CDH4: variants seen among roughly 807,000 people sequenced by gnomAD.
CDH4 encodes the protein cadherin-4.
Under a neutral mutation model 86.0 loss-of-function variants are expected in CDH4, and 33 were observed. The ratio of observed to expected loss-of-function variants is 0.38; its 90% confidence interval spans 0.29 to 0.51. The LOEUF is 0.51. CDH4 is among the 20% of genes least tolerant of loss of function. CDH4 has a pLI of 0.86. For synonymous variants in CDH4, 555 were observed against 549.4 expected (o/e 1.01, Z -0.14); for missense variants, 1,114 against 1,307.4 (o/e 0.85, Z 2.28).
intron 4 of CDH4, among the ~76,000 whole-genome samples, chr20:61,823,622 G>A (rs1466087284): frequency 6.6e-6 from 1 of 152,198 alleles, no homozygotes; most frequent in South Asian, 2.1e-4. Context: ...GTGGCAGGAT[G>A]AGGACTTGAA....
intron 2 of CDH4, among the ~76,000 whole-genome samples, chr20:61,695,595 C>T (rs1176447727): frequency 6.6e-6 from 1 of 152,166 alleles, no homozygotes; most frequent in Non-Finnish European, 1.5e-5. Flanking sequence ...TGAGGTTCCA[C>T]ATGGCGGTGC....
At chr20:61,295,807 CCACT>C (rs1452102085) in intron 2 of CDH4, among the ~76,000 whole-genome samples, 1 of 152,174 alleles carries the variant, frequency 6.6e-6, no homozygotes, top group Non-Finnish European at 1.5e-5. Context: ...CGGCCTGTGT[CCACT>C]CACTCACTCC....
chr20:61,773,705 A>C (rs909091963), intron 4 of CDH4, among the ~76,000 whole-genome samples: 2 of 152,330 alleles, frequency 1.3e-5, no homozygotes, highest in Non-Finnish European at 1.5e-5. Context: ...GCCATCAACG[A>C]GCAATTTCTT....
intron 2 of CDH4, among the ~76,000 whole-genome samples, chr20:61,552,338 T>C (rs2086138457): frequency 6.6e-6 from 1 of 152,220 alleles, no homozygotes; most frequent in Non-Finnish European, 1.5e-5. Context: ...AAAGAAGACA[T>C]ACGAATGTCC....
intron 2 of CDH4, chr20:61,499,382 A>T: frequency 1.7e-6 from 2 of 1,153,996 alleles, no homozygotes; most frequent in African/African-American, 1.6e-5. Flanking sequence ...CTGCCCTGTT[A>T]AAGGTTATGC....
chr20:61,817,248 G>T (rs1980764064), intron 4 of CDH4, among the ~76,000 whole-genome samples: 1 of 152,196 alleles, frequency 6.6e-6, no homozygotes, highest in Non-Finnish European at 1.5e-5. Flanking sequence ...GGACCCCAAG[G>T]CAGGGGCCCC....
chr20:61,741,781 A>C (rs1007606624), intron 2 of CDH4, among the ~76,000 whole-genome samples: 2 of 152,068 alleles, frequency 1.3e-5, no homozygotes, highest in South Asian at 4.2e-4. Context: ...GGCATGAGCC[A>C]CCACGCCCAG....
intron 2 of CDH4, among the ~76,000 whole-genome samples, chr20:61,352,595 T>G (rs2084719245): frequency 6.6e-6 from 1 of 152,194 alleles, no homozygotes; most frequent in Non-Finnish European, 1.5e-5. Flanking sequence ...AACAAAGCTT[T>G]GTATTTTGTT....
intron 3 of CDH4, among the ~76,000 whole-genome samples, chr20:61,770,149 C>G (rs75874981): frequency 6.6e-6 from 1 of 152,134 alleles, no homozygotes; most frequent in Non-Finnish European, 1.5e-5. Flanking sequence ...CCTAGAAAAG[C>G]CCCCGCCCCT....
intron 2 of CDH4, among the ~76,000 whole-genome samples, chr20:61,673,281 C>G (rs988230812): frequency 7.2e-5 from 11 of 152,302 alleles, no homozygotes; most frequent in South Asian, 2.1e-4. Flanking sequence ...GACTTCGGAG[C>G]CCCTGAATCT....
rs539253181 is a variant in CDH4 at position 61,677,938 on chromosome 20, T to C, written c.170-65625T>C. Among the ~76,000 whole-genome samples, 42 of 151,872 alleles carry C rather than the reference T, an allele frequency of 2.8e-4. No homozygotes were observed. In the South Asian group the frequency reaches 8.6e-3, roughly 31 times the overall value. On this transcript the variant is annotated intron_variant, in intron 2 of 15. Transcript: ENST00000614565. ...AGATACATTAGATAGATGATGGATG[T>C]TTGGAGGAATGGATGATAGATAATA...
intron 2 of CDH4, among the ~76,000 whole-genome samples, chr20:61,611,003 T>C (rs2086681088): frequency 6.6e-6 from 1 of 151,244 alleles, no homozygotes. Flanking sequence ...TCCCAGCAGG[T>C]CTCTGCACAG....
At chr20:61,920,499 T>C (rs1186365573) in intron 9 of CDH4, among the ~76,000 whole-genome samples, 2 of 151,174 alleles carry the variant, frequency 1.3e-5, no homozygotes, top group Non-Finnish European at 2.9e-5. Flanking sequence ...TGTGGAAGCG[T>C]GTCATGGTGA....
At chr20:61,735,858 C>G (rs2088256506) in intron 2 of CDH4, among the ~76,000 whole-genome samples, 1 of 152,186 alleles carries the variant, frequency 6.6e-6, no homozygotes, top group South Asian at 2.1e-4. Context: ...AGCCTTCTGC[C>G]TCGGGGGCTG....
intron 2 of CDH4, among the ~76,000 whole-genome samples, chr20:61,522,230 C>A (rs1453065323): frequency 6.6e-6 from 1 of 152,190 alleles, no homozygotes; most frequent in East Asian, 1.9e-4. Flanking sequence ...CCCCTCACCC[C>A]TAGCTTAGCC....
chr20:61,838,865 A>AAAAG (rs1982005054), intron 4 of CDH4, among the ~76,000 whole-genome samples: 1 of 151,972 alleles, frequency 6.6e-6, no homozygotes, highest in African/African-American at 2.4e-5. Flanking sequence ...AAAGGAAAAA[A>AAAAG]AAAAGAAAAG....
Position 61,761,826 on chromosome 20 carries a change from G to A in CDH4, c.397-11177G>A, listed in dbSNP as rs138121904. Among the ~76,000 whole-genome samples, 257 of 152,260 alleles carry A rather than the reference G, an allele frequency of 1.7e-3. 2 individuals are homozygous for A. Among genetic ancestry groups the A allele is most frequent in the African/African-American group, 5.9e-3 (246 of 41,520 alleles). On this transcript the variant is annotated intron_variant, in intron 3 of 15. Transcript: ENST00000614565. ...CCATCCTGAGAGTGCTCTTCTCCCT[G>A]CATCCCCAGACAGAGCACCTTTCCT...
At chr20:61,839,344 T>C (rs1982030226) in intron 4 of CDH4, among the ~76,000 whole-genome samples, 1 of 151,898 alleles carries the variant, frequency 6.6e-6, no homozygotes, top group Non-Finnish European at 1.5e-5. Flanking sequence ...ATGCATATTT[T>C]GTGTTTGTGT....
intron 9 of CDH4, among the ~76,000 whole-genome samples, chr20:61,920,618 GGAAGTGTGGTGTCACAGTGATTGCA>G (rs2054967091): frequency 7.4e-6 from 1 of 135,802 alleles, no homozygotes; most frequent in Non-Finnish European, 1.7e-5. Flanking sequence ...GTGATTGCAT[GGAAGTGTGGTGTCACAGTGATTGCA>G]TGGAAGCGTG....
Sources: gnomAD v4.1 joint callset for allele counts (sites outside exome capture counted in the v4.1 genomes callset) on GRCh38, gnomAD v4.1.1 for gene constraint, MANE v1.5 for transcripts, NCBI Gene and HGNC (gene_info 2026-07-23, HGNC 2026-07-21) for gene names.